LRP1: variants seen among roughly 807,000 people sequenced by gnomAD.
LRP1 encodes the protein LDL receptor related protein 1.
In LRP1, 51 loss-of-function variants were observed where a neutral mutation model predicts 541.5. The observed-to-expected ratio is 0.09, with a 90% CI of 0.08 to 0.12. The LOEUF is 0.12. Ranked by LOEUF, LRP1 falls within the 10% of genes least tolerant of loss-of-function variation. LRP1 has a pLI of 1.00. For synonymous variants in LRP1, 2,219 were observed against 2,470.8 expected, an observed-to-expected ratio of 0.90 and a Z score of 3.02; for missense variants, 3,878 against 6,376.2, an observed-to-expected ratio of 0.61 and a Z score of 13.34.
rs762252932 is a variant in LRP1 at position 57,205,216 on chromosome 12, G to A, written c.11302G>A (p.Gly3768Arg). The A allele has an allele frequency of 1.2e-5, 20 of 1,613,698 alleles. No homozygotes were observed. Among genetic ancestry groups the A allele is most frequent in the African/African-American group, 2.7e-5 (2 of 74,936 alleles). ...GCGCTGCAACATGTTCGATGACTGC[G>A]GGGACGGCTCTGACGAGGAGGACTG... is the stretch of plus-strand genomic sequence containing the variant. ...SLRCNMFDDC[G>R]DGSDEEDCSI... Residue 3768 changes from glycine (G) to arginine (R), a missense_variant, in exon 73 of 89, where the codon GGG becomes AGG. Coordinates refer to ENST00000243077, the MANE Select transcript of LRP1 (RefSeq NM_002332.3). This position sits in a 1 kb window ranked among gnomAD's most constrained non-coding sequence, Gnocchi z 4.6.
intron 68 of LRP1, chr12:57,202,753 G>A: frequency 1.7e-6 from 1 of 598,614 alleles, no homozygotes; most frequent in South Asian, 1.9e-5. Context: ...TGTCCTCTCG[G>A]GGTTGCAGAG....
At chr12:57,134,436 T>C (rs1012255378) in intron 1 of LRP1, among the ~76,000 whole-genome samples, 9 of 152,104 alleles carry the variant, frequency 5.9e-5, no homozygotes, top group African/African-American at 1.9e-4. Flanking sequence ...CAATTTCCCT[T>C]CCTTGTTTTT....
At chr12:57,175,759 A>T (rs1379852081) in intron 23 of LRP1, 54 bp downstream of exon 23, 7 of 1,551,228 alleles carry the variant, frequency 4.5e-6, no homozygotes, top group Non-Finnish European at 1.7e-6. Context: ...TCTGAGCTGC[A>T]GTGGGTTGGG....
At position 57,156,086 on chromosome 12, in the gene LRP1, C is replaced by G; in HGVS notation, c.1228-8C>G. 1 of 1,612,030 alleles carries G rather than the reference C, an allele frequency of 6.2e-7. No individual in the cohort carries two copies. Reference sequence around the variant, plus strand: ...CTCATGCTGTCCATTCTTGCCTGCCCGTCTCAGATTGAGCACCTGTACGGC... The same window carrying G: ...CTCATGCTGTCCATTCTTGCCTGCCGGTCTCAGATTGAGCACCTGTACGGC... On this transcript the variant is annotated splice_polypyrimidine_tract_variant and splice_region_variant and intron_variant, in intron 8 of 88. Transcript: ENST00000243077. This position sits in a 1 kb window ranked among gnomAD's most constrained non-coding sequence, Gnocchi z 5.2.
chr12:57,131,156 G>C (rs1004876545), intron 1 of LRP1, among the ~76,000 whole-genome samples: 1 of 152,176 alleles, frequency 6.6e-6, no homozygotes, highest in Admixed American at 6.5e-5. Context: ...ACCTGACTTA[G>C]TATGTTACCT....
chr12:57,210,075 G>A lies in LRP1; in HGVS notation c.12486G>A (p.Leu4162=). Residue 4162 remains leucine, a synonymous_variant, in exon 81 of 89, where the codon CTG becomes CTA. Coordinates refer to ENST00000243077, the MANE Select transcript of LRP1 (RefSeq NM_002332.3). ...AGAAATGCGAGTGGCTCTGCCTGCT[G>A]AGCCCCAGTGGGCCTGTCTGCACCT... ...DRKKCEWLCL[L]SPSGPVCTCP... is the part of the protein sequence containing the mutation. The A allele has an allele frequency of 6.2e-7, 1 of 1,613,504 alleles. No homozygotes were observed. Among genetic ancestry groups the A allele is most frequent in the Non-Finnish European group, 8.5e-7 (1 of 1,179,722 alleles).
chr12:57,209,682 C>T lies in LRP1; in HGVS notation c.12263-10C>T, dbSNP rs756865919. 2.5e-6 allele frequency: 4 copies of T among 1,613,778 alleles called. No homozygotes were observed. In the Admixed American group the frequency reaches 5.0e-5, roughly 20 times the overall value. On this transcript the variant is annotated splice_polypyrimidine_tract_variant and intron_variant, in intron 79 of 88. Coordinates refer to ENST00000243077, the MANE Select transcript of LRP1 (RefSeq NM_002332.3). ...CCTCAGGTCCCCTCTGACTCCACCT[C>T]CTCCCCCAGGCCTAAGTCACCCCTT...
chr12:57,187,159 C>A (rs1369962038), intron 41 of LRP1, 108 bp from the exon 42 acceptor site: 6 of 1,162,758 alleles, frequency 5.2e-6, no homozygotes, highest in Non-Finnish European at 7.2e-6. Context: ...ATACCCCACA[C>A]TTCGCCTTCC....
intron 22 of LRP1, 149 bp from the exon 23 acceptor site, chr12:57,175,311 A>G: frequency 1.1e-6 from 1 of 915,530 alleles, no homozygotes; most frequent in Non-Finnish European, 1.7e-6. Flanking sequence ...CTCAGCCTGA[A>G]GCTCAGCAGG....
At chr12:57,167,123 G>A (rs935660998) in intron 18 of LRP1, 77 bp downstream of exon 18, 15 of 1,209,898 alleles carry the variant, frequency 1.2e-5, no homozygotes, top group South Asian at 5.2e-5. Context: ...TGGGGGTGCC[G>A]GAGACACCTG....
Position 57,211,627 on chromosome 12 carries a change from G to C in LRP1, c.13193+39G>C, listed in dbSNP as rs746306900. On this transcript the variant is annotated intron_variant, in intron 85 of 88. Transcript: ENST00000243077. The surrounding 1 kb of genome is among the most constrained non-coding windows in gnomAD (Gnocchi z 4.3). ...GGGCTTCACCCAGGCATAGATCATC[G>C]CTCCCTTCCCCAGATTTGAGCAGGA... 6.2e-7 allele frequency: 1 copy of C among 1,607,824 alleles called. No homozygotes were observed. The highest frequency in any genetic ancestry group is 2.2e-5 in the East Asian group (1 of 44,808).
At chr12:57,209,060 C>G in intron 78 of LRP1, 23 bp from the exon 79 acceptor site, 1 of 1,590,350 alleles carries the variant, frequency 6.3e-7, no homozygotes, top group Non-Finnish European at 8.6e-7. Flanking sequence ...GCCAAGCTCT[C>G]ACAGTGCTCT....
Position 57,194,623 on chromosome 12 carries a change from T to C in LRP1, c.8115T>C (p.Ser2705=). 6.2e-7 allele frequency: 1 copy of C among 1,610,698 alleles called. No homozygotes were observed. The highest frequency in any genetic ancestry group is 8.5e-7 in the Non-Finnish European group (1 of 1,179,156). ...CTCTGAATTACTTCGCCTGCCCTAG[T>C]GGGCGCTGCATCCCCATGAGCTGGA... ...RCPLNYFACP[S]GRCIPMSWTC... is the part of the protein sequence containing the mutation. Residue 2705 remains serine (S), a synonymous_variant, in exon 50 of 89, where the codon AGT becomes AGC. Transcript: ENST00000243077.
chr12:57,154,768 A>C lies in LRP1; in HGVS notation c.1227+67A>C. 7.1e-7 allele frequency: 1 copy of C among 1,417,394 alleles called. No homozygotes were observed. Among genetic ancestry groups the C allele is most frequent in the Non-Finnish European group, 9.7e-7 (1 of 1,027,022 alleles). The allele number at this position is 1,417,394 out of a possible 1,614,324, so 87.8% of individuals were successfully genotyped here. ...TCCAGGGCCTTCTGGTGAGGGGGGA[A>C]GCCTCTGTAGGGGAACCGTTCTCTG... On this transcript the variant is annotated intron_variant, in intron 8 of 88. Coordinates refer to ENST00000243077, the MANE Select transcript of LRP1 (RefSeq NM_002332.3). This position sits in a 1 kb window ranked among gnomAD's most constrained non-coding sequence, Gnocchi z 4.6.
chr12:57,173,990 G>A lies in LRP1; in HGVS notation c.3547+10G>A, dbSNP rs1379854097. 1.9e-6 allele frequency: 3 copies of A among 1,613,458 alleles called. No individual in the cohort carries two copies. The highest frequency in any genetic ancestry group is 2.2e-5 in the South Asian group (2 of 91,052). ...GAGGGCGAGCTCTGCGGTGAGGCCT[G>A]GTCCCAGGAGAAGGGTAGGGAGGGT... On this transcript the variant is annotated intron_variant, in intron 22 of 88. Transcript: ENST00000243077. The surrounding 1 kb of genome is among the most constrained non-coding windows in gnomAD (Gnocchi z 4.7).
At chr12:57,208,006 CA>C in intron 76 of LRP1, 31 bp from the exon 77 acceptor site, 1 of 1,605,366 alleles carries the variant, frequency 6.2e-7, no homozygotes, top group South Asian at 1.1e-5. Flanking sequence ...GAAGACAAAG[CA>C]GTGGCCCCTG....
intron 18 of LRP1, 119 bp from the exon 19 acceptor site, chr12:57,167,325 A>G (rs183105647): frequency 2.6e-6 from 2 of 775,692 alleles, no homozygotes; most frequent in East Asian, 2.5e-5. Flanking sequence ...GGCCTTCCCC[A>G]CCCTTCCTGA....
rs775810036 is a variant in LRP1 at position 57,210,077 on chromosome 12, G to A, written c.12488G>A (p.Ser4163Asn). The A allele has an allele frequency of 6.2e-7, 1 of 1,613,542 alleles. No homozygotes were observed. The highest frequency in any genetic ancestry group is 2.2e-5 in the East Asian group (1 of 44,870). ...AAATGCGAGTGGCTCTGCCTGCTGA[G>A]CCCCAGTGGGCCTGTCTGCACCTGT... Reference protein sequence around the residue: ...RKKCEWLCLLSPSGPVCTCPN... With the variant: ...RKKCEWLCLLNPSGPVCTCPN... The change falls in exon 81 of 89, where the codon AGC (serine) becomes AAC (asparagine). Residue 4163 changes from serine (S) to asparagine (N), a missense_variant. Physicochemically the swap from Ser to Asn is conservative, Grantham distance 46. This residue lies in a region of LRP1 where 871 missense variants were observed against 1,212.4 expected (regional missense o/e 0.72). Coordinates refer to ENST00000243077, the MANE Select transcript of LRP1 (RefSeq NM_002332.3).
intron 52 of LRP1, 49 bp from the exon 53 acceptor site, chr12:57,195,609 G>T: frequency 1.2e-6 from 2 of 1,613,130 alleles, no homozygotes; most frequent in Non-Finnish European, 1.7e-6. Flanking sequence ...AGGGACGGTC[G>T]GCCGCTGGCC....
Sources: gnomAD v4.1 joint callset for allele counts (sites outside exome capture counted in the v4.1 genomes callset) on GRCh38, gnomAD v4.1.1 for gene constraint, gnomAD v4.1.1 regional missense constraint, Gnocchi (gnomAD v3.1) non-coding constraint, MANE v1.5 for transcripts, NCBI Gene and HGNC (gene_info 2026-07-23, HGNC 2026-07-21) for gene names.